Variants in PRR5L observed in about 807,000 individuals in gnomAD.
PRR5L encodes proline-rich protein 5-like.
A neutral mutation model predicts 36.4 loss-of-function variants in PRR5L; 21 were observed. The ratio of observed to expected loss-of-function variants is 0.58; its 90% CI spans 0.41 to 0.83. The LOEUF (loss-of-function observed/expected upper bound fraction) is 0.83. Ranked by LOEUF, PRR5L falls within the 40% of genes least tolerant of loss-of-function variation. The probability of loss-of-function intolerance (pLI) is 0.00; values close to 1 mark genes in which losing one functional copy is unlikely to be tolerated. For missense variants in PRR5L, 381 were observed against 473.3 expected, an observed-to-expected ratio of 0.80 and a Z score of 1.81; for synonymous variants, 188 against 197.0, an observed-to-expected ratio of 0.95 and a Z score of 0.38.
At chr11:36,396,360 A>C (rs953621514) in intron 1 of PRR5L, among the ~76,000 whole-genome samples, 3 of 152,234 alleles carry the variant, frequency 2.0e-5, no homozygotes, top group African/African-American at 7.2e-5. Context: ...AACTTGCTAC[A>C]CAGAGATGTA....
rs185991806 is a variant in PRR5L, at chr11:36,406,180, A to T, written c.245+2802A>T. Among the ~76,000 whole-genome samples, 105 of 151,658 alleles carry T rather than the reference A, an allele frequency of 6.9e-4. 3 individuals carry two copies. Among genetic ancestry groups the T allele is most frequent in the Admixed American group, 6.0e-3 (91 of 15,232 alleles). On this transcript the variant is annotated intron_variant, in intron 3 of 8. Coordinates refer to ENST00000530639, the MANE Select transcript of PRR5L (RefSeq NM_001160167.2). ...TTATCACATCCTGTGACTAACACTC[A>T]TCATGAGGAGCATGACACTCCCCCA... is the stretch of plus-strand genomic sequence containing the variant.
intron 1 of PRR5L, among the ~76,000 whole-genome samples, chr11:36,334,632 A>G (rs1272352340): frequency 6.6e-6 from 1 of 152,210 alleles, no homozygotes; most frequent in Non-Finnish European, 1.5e-5. Context: ...ACTCTTCAGC[A>G]TAGGTCAGGC....
At chr11:36,385,842 C>G (rs1857447900) in intron 1 of PRR5L, among the ~76,000 whole-genome samples, 1 of 152,220 alleles carries the variant, frequency 6.6e-6, no homozygotes, top group South Asian at 2.1e-4. Flanking sequence ...CAAACAGACT[C>G]AGGATTGCTC....
chr11:36,455,803 C>CCAGTGGGGACACAGCTGACGCAG (rs1217361219), intron 8 of PRR5L, among the ~76,000 whole-genome samples: 3 of 152,208 alleles, frequency 2.0e-5, no homozygotes, highest in African/African-American at 7.2e-5. Context: ...GCCTGACCTC[C>CCAGTGGGGACACAGCTGACGCAG]CAGTGGGGAC....
At chr11:36,454,514 G>C (rs1046199906) in intron 8 of PRR5L, among the ~76,000 whole-genome samples, 1 of 151,946 alleles carries the variant, frequency 6.6e-6, no homozygotes, top group African/African-American at 2.4e-5. Context: ...CTTTGCCGTG[G>C]CTCACTTGGG....
At position 36,464,533 on chromosome 11, in the gene PRR5L, AT is replaced by A. The variant is rs539167643; in HGVS notation, c.*1798del. On this transcript the variant is annotated 3_prime_UTR_variant, in exon 9 of 9. Coordinates refer to ENST00000530639, the MANE Select transcript of PRR5L (RefSeq NM_001160167.2). ...CTGAGAGTTTCAAACAAACAAAAAA[AT>A]AATCTCTATGTATGTGTTGGATAAA... 234 of 152,372 alleles carry A rather than the reference AT, an allele frequency of 1.5e-3. No homozygotes were observed. The highest frequency in any genetic ancestry group is 5.2e-3 in the African/African-American group (217 of 41,580). The allele number at this position is 152,372 out of a possible 1,614,324, so 9.4% of individuals were successfully genotyped here.
At chr11:36,325,699 C>G (rs1856655370) in intron 1 of PRR5L, among the ~76,000 whole-genome samples, 1 of 152,182 alleles carries the variant, frequency 6.6e-6, no homozygotes, top group African/African-American at 2.4e-5. Context: ...CCCTCACCTT[C>G]CCAGCTAGGC....
At chr11:36,403,005 C>T (rs1017936212) in intron 2 of PRR5L, among the ~76,000 whole-genome samples, 7 of 152,228 alleles carry the variant, frequency 4.6e-5, no homozygotes, top group East Asian at 3.9e-4. Context: ...CAGTTTCCTG[C>T]GATCAGATCC....
intron 1 of PRR5L, among the ~76,000 whole-genome samples, chr11:36,372,976 TTGTGTGTGTGTGTG>T (rs36076560): frequency 6.8e-6 from 1 of 146,664 alleles, no homozygotes; most frequent in Admixed American, 6.9e-5. Context: ...TGCCTAATAG[TTGTGTGTGTGTGTG>T]TGTGTGTGTG....
At chr11:36,453,756 G>A (rs2133628118) in intron 8 of PRR5L, among the ~76,000 whole-genome samples, 1 of 152,296 alleles carries the variant, frequency 6.6e-6, no homozygotes, top group African/African-American at 2.4e-5. Context: ...ACGGGTCCCA[G>A]GGCACAGGGA....
intron 5 of PRR5L, among the ~76,000 whole-genome samples, chr11:36,434,404 A>G (rs943775207): frequency 2.6e-5 from 4 of 152,250 alleles, no homozygotes; most frequent in African/African-American, 9.6e-5. Flanking sequence ...TGATCCGTCC[A>G]GTCACTGAAC....
At chr11:36,448,680 T>TG (rs1858884013) in intron 7 of PRR5L, among the ~76,000 whole-genome samples, 1 of 152,192 alleles carries the variant, frequency 6.6e-6, no homozygotes, top group Non-Finnish European at 1.5e-5. Context: ...ACACCCATGT[T>TG]GGTGACCGTC....
intron 1 of PRR5L, among the ~76,000 whole-genome samples, chr11:36,382,860 C>T (rs1486747491): frequency 6.6e-6 from 1 of 152,198 alleles, no homozygotes; most frequent in African/African-American, 2.4e-5. Context: ...ATCAGAATCA[C>T]TTGGAAGATA....
chr11:36,364,421 C>T (rs1242822432), intron 1 of PRR5L, among the ~76,000 whole-genome samples: 1 of 152,098 alleles, frequency 6.6e-6, no homozygotes, highest in Non-Finnish European at 1.5e-5. Context: ...CAGTTCAAGT[C>T]CTGACTCCAC....
At chr11:36,355,520 C>T (rs778176967) in intron 1 of PRR5L, among the ~76,000 whole-genome samples, 2 of 151,516 alleles carry the variant, frequency 1.3e-5, no homozygotes, top group Non-Finnish European at 2.9e-5. Context: ...GTAGTCTGAC[C>T]CCAGAGCCCA....
rs1856927825 is a variant in PRR5L, at chr11:36,350,952, T to TTATATATATTTATATATTTATA, written c.-125-50039_-125-50018dup. On this transcript the variant is annotated intron_variant, in intron 1 of 8. Transcript: ENST00000530639. The stretch of plus-strand genomic sequence containing the variant: ...TATTTATATATTTATATATATATAT[T>TTATATATATTTATATATTTATA]TATATATATTTATATATTTATATAT... Among the ~76,000 whole-genome samples, 2 of 36,312 alleles carry TTATATATATTTATATATTTATA rather than the reference T, an allele frequency of 5.5e-5. 1 individual carries two copies. The allele number at this position is 36,312 out of a possible 152,430, so 23.8% of individuals were successfully genotyped here.
chr11:36,305,300 T>C (rs774680091), intron 1 of PRR5L, among the ~76,000 whole-genome samples: 1 of 152,202 alleles, frequency 6.6e-6, no homozygotes, highest in African/African-American at 2.4e-5. Context: ...TATGATTCCA[T>C]TTATATGAAA....
intron 1 of PRR5L, among the ~76,000 whole-genome samples, chr11:36,359,732 T>C (rs927093411): frequency 1.3e-5 from 2 of 152,096 alleles, no homozygotes; most frequent in East Asian, 1.9e-4. Flanking sequence ...ACAGAAACTA[T>C]AGGGCATTGT....
intron 3 of PRR5L, among the ~76,000 whole-genome samples, chr11:36,415,866 TACA>T (rs1282393298): frequency 6.6e-6 from 1 of 152,254 alleles, no homozygotes; most frequent in African/African-American, 2.4e-5. Flanking sequence ...CATATAGTAA[TACA>T]GACTTGAACA....
Sources: allele counts gnomAD v4.1 joint callset (sites outside exome capture counted in the v4.1 genomes callset), GRCh38; gene constraint gnomAD v4.1.1; transcripts MANE v1.5; gene names NCBI Gene and HGNC (gene_info 2026-07-23, HGNC 2026-07-21).